COL4A1: variants seen among roughly 807,000 people sequenced by gnomAD.
COL4A1 encodes collagen alpha-1(IV) chain.
Under a neutral mutation model 216.6 loss-of-function variants are expected in COL4A1, and 40 were observed. The observed-to-expected ratio is 0.18, with a 90% confidence interval of 0.14 to 0.24. COL4A1 has a LOEUF of 0.24. Among genes scored for constraint, COL4A1 ranks in the 10% least tolerant of loss-of-function variants. The pLI is 1.00. For missense variants in COL4A1, 1,628 were observed against 2,196.8 expected (o/e 0.74, Z 5.18); for synonymous variants, 839 against 810.7 (o/e 1.03, Z -0.59).
intron 1 of COL4A1, among the ~76,000 whole-genome samples, chr13:110,255,368 G>C (rs187297758): frequency 6.6e-6 from 1 of 150,952 alleles, no homozygotes; most frequent in Non-Finnish European, 1.5e-5. Context: ...TTGCAAGGAC[G>C]TCCTTGCCCT....
chr13:110,198,067 C>T (rs1878984628), intron 21 of COL4A1, among the ~76,000 whole-genome samples: 1 of 131,896 alleles, frequency 7.6e-6, no homozygotes, highest in African/African-American at 3.0e-5. Context: ...TCCTGTCTTC[C>T]TTGTTTCTGG....
Position 110,203,806 on chromosome 13 carries a change from A to C in COL4A1, c.958-199T>G, listed in dbSNP as rs648705. Among the ~76,000 whole-genome samples the C allele has an allele frequency of 0.57, 87,174 of 152,030 alleles. 25,982 individuals carry two copies. The highest frequency in any genetic ancestry group is 0.76 in the East Asian group (3,933 of 5,160). ...TCATTTTGCTTTGCACACGCATGACACATGAAAATAAAGATCTCTGCAAAA... is the reference window on the plus strand; with the variant it reads ...TCATTTTGCTTTGCACACGCATGACCCATGAAAATAAAGATCTCTGCAAAA... On this transcript the variant is annotated intron_variant, in intron 17 of 51. Transcript: ENST00000375820.
intron 6 of COL4A1, 82 bp from the exon 7 acceptor site, chr13:110,212,004 C>T: frequency 2.2e-6 from 3 of 1,338,794 alleles, no homozygotes; most frequent in South Asian, 1.2e-5. Context: ...TCACTCTGCC[C>T]TACCCTTCAT....
intron 2 of COL4A1, among the ~76,000 whole-genome samples, chr13:110,218,705 T>C (rs559560441): frequency 9.9e-5 from 15 of 152,262 alleles, no homozygotes; most frequent in African/African-American, 3.6e-4. Context: ...GTCCAAGCAT[T>C]CTAGGCACCA....
intron 1 of COL4A1, among the ~76,000 whole-genome samples, chr13:110,266,336 C>T (rs564059969): frequency 2.3e-4 from 35 of 152,304 alleles, no homozygotes; most frequent in African/African-American, 6.0e-4. Flanking sequence ...GGGAGACGGA[C>T]GTGTCACAAC....
At chr13:110,253,763 C>CATAT (rs1882372025) in intron 1 of COL4A1, among the ~76,000 whole-genome samples, 3 of 87,384 alleles carry the variant, frequency 3.4e-5, no homozygotes, top group Non-Finnish European at 8.5e-5. Context: ...TATAATTATA[C>CATAT]GTATGTATGT....
intron 28 of COL4A1, 117 bp from the exon 29 acceptor site, chr13:110,181,506 C>T: frequency 9.0e-7 from 1 of 1,106,808 alleles, no homozygotes; most frequent in Middle Eastern, 2.5e-4. Context: ...CTGAGAAGGT[C>T]AACTGTGGAG....
rs373422965 is a variant in COL4A1 at position 110,174,417 on chromosome 13, C to G, written c.3406+29G>C. 18 of 1,611,508 alleles carry G rather than the reference C, an allele frequency of 1.1e-5. No homozygotes were observed. The African/African-American group carries it at 1.9e-4, about 17-fold the overall frequency. On this transcript the variant is annotated intron_variant, in intron 39 of 51. Coordinates refer to ENST00000375820, the MANE Select transcript of COL4A1 (RefSeq NM_001845.6). ...CCCTGGCCACTGTTCTCTATGTGCC[C>G]GGGCTGTGTCCCAAAGAGGGCCCTC...
At chr13:110,281,950 G>A (rs1048960703) in intron 1 of COL4A1, among the ~76,000 whole-genome samples, 1 of 152,168 alleles carries the variant, frequency 6.6e-6, no homozygotes, top group Non-Finnish European at 1.5e-5. Flanking sequence ...ATCAGTTTAT[G>A]CCTGAAACAC....
At chr13:110,199,857 G>A (rs959360938) in intron 20 of COL4A1, among the ~76,000 whole-genome samples, 4 of 152,196 alleles carry the variant, frequency 2.6e-5, no homozygotes, top group Admixed American at 6.5e-5. Context: ...ACACATTTCC[G>A]AGAATCCAAG....
intron 21 of COL4A1, among the ~76,000 whole-genome samples, chr13:110,197,910 G>A (rs1410823631): frequency 6.6e-6 from 1 of 152,188 alleles, no homozygotes. Context: ...TTAAATCCTT[G>A]GAGATTTTCT....
At position 110,211,764 on chromosome 13, in the gene COL4A1, A is replaced by T; in HGVS notation, c.442-91T>A. 6.9e-7 allele frequency: 1 copy of T among 1,455,020 alleles called. No homozygotes were observed. Among genetic ancestry groups the T allele is most frequent in the Middle Eastern group, 2.2e-4 (1 of 4,618 alleles). The allele number at this position is 1,455,020 out of a possible 1,614,324, so 90.1% of individuals were successfully genotyped here. A position where few individuals can be genotyped will look rare whatever the true frequency, so the allele number is the denominator to read the frequency against. On this transcript the variant is annotated intron_variant, in intron 7 of 51. Coordinates refer to ENST00000375820, the MANE Select transcript of COL4A1 (RefSeq NM_001845.6). The surrounding 1 kb of genome is among the most constrained non-coding windows in gnomAD (Gnocchi z 4.3). Reference sequence around the variant, plus strand: ...TCATGTAATATTATATATAAAATATAAGTTATTAAAACATAAGCAAAGAAA... The same window carrying T: ...TCATGTAATATTATATATAAAATATTAGTTATTAAAACATAAGCAAAGAAA...
At chr13:110,193,681 C>T (rs1344416262) in intron 22 of COL4A1, among the ~76,000 whole-genome samples, 1 of 152,250 alleles carries the variant, frequency 6.6e-6, no homozygotes, top group African/African-American at 2.4e-5. Context: ...CACACGGGCA[C>T]TGCTATTGCC....
intron 40 of COL4A1, among the ~76,000 whole-genome samples, chr13:110,173,347 A>T (rs936080265): frequency 6.6e-6 from 1 of 152,118 alleles, no homozygotes; most frequent in Admixed American, 6.5e-5. Flanking sequence ...TGTCCCCCCA[A>T]GTCAGGGGTA....
chr13:110,204,762 T>TG (rs1013866481), intron 17 of COL4A1, among the ~76,000 whole-genome samples: 3 of 152,214 alleles, frequency 2.0e-5, no homozygotes, highest in Non-Finnish European at 4.4e-5. Context: ...TGTCTGACTG[T>TG]GGACCCCAAT....
At chr13:110,265,341 G>A (rs1436596407) in intron 1 of COL4A1, 1 of 152,218 alleles carries the variant, frequency 6.6e-6, no homozygotes, top group African/African-American at 2.4e-5. Context: ...AAGGTGTGGG[G>A]TACATTCTAA....
Position 110,205,506 on chromosome 13 carries a change from T to C in COL4A1, c.891A>G (p.Glu297=). 9 of 1,608,032 alleles carry C rather than the reference T, an allele frequency of 5.6e-6. No individual in the cohort carries two copies. The highest frequency in any genetic ancestry group is 2.2e-5 in the East Asian group (1 of 44,892). Residue 297 remains glutamate (E), a synonymous_variant, in exon 16 of 52, where the codon GAA becomes GAG. Coordinates refer to ENST00000375820, the MANE Select transcript of COL4A1 (RefSeq NM_001845.6). ...GKPGKDGDKG[E]KGSPGFPGEP... ...GAGAAACACTTACGGGACTCCCTTT[T>C]TCCCCTTTGTCACCATCTTTTCCGG... is the stretch of plus-strand genomic sequence containing the variant.
At chr13:110,275,984 G>A (rs994336321) in intron 1 of COL4A1, among the ~76,000 whole-genome samples, 1 of 152,102 alleles carries the variant, frequency 6.6e-6, no homozygotes, top group East Asian at 1.9e-4. Flanking sequence ...CTATAATGAT[G>A]GATAGATGTC....
chr13:110,255,508 C>G (rs1420226805), intron 1 of COL4A1, among the ~76,000 whole-genome samples: 2 of 127,444 alleles, frequency 1.6e-5, no homozygotes, highest in East Asian at 4.4e-4. Context: ...AATGAAAGAA[C>G]GGTGATTCCA....
Sources: allele counts gnomAD v4.1 joint callset (sites outside exome capture counted in the v4.1 genomes callset), GRCh38; gene constraint gnomAD v4.1.1; non-coding constraint Gnocchi (gnomAD v3.1); transcripts MANE v1.5; gene names NCBI Gene and HGNC (gene_info 2026-07-23, HGNC 2026-07-21).